Variants in KIR2DL3 observed in about 807,000 individuals in gnomAD.
KIR2DL3 encodes the protein killer cell immunoglobulin-like receptor 2DL3.
In KIR2DL3, 39 loss-of-function variants were observed where a neutral mutation model predicts 33.8. The ratio of observed to expected loss-of-function variants is 1.15; its 90% CI spans 0.89 to 1.51. The LOEUF (loss-of-function observed/expected upper bound fraction) is 1.51, where lower values mean the gene tolerates loss of function less well. Among genes scored for constraint, KIR2DL3 ranks in the 40% most tolerant of loss-of-function variants. The probability of loss-of-function intolerance (pLI) is 0.00; values close to 1 mark genes in which losing one functional copy is unlikely to be tolerated. For synonymous variants in KIR2DL3, 174 were observed against 160.2 expected, an observed-to-expected ratio of 1.09 and a Z score of -0.65; for missense variants, 462 against 426.2, an observed-to-expected ratio of 1.08 and a Z score of -0.74.
At chr19:54,747,728 G>C (rs200655837) in intron 5 of KIR2DL3, among the ~76,000 whole-genome samples, 138 of 152,298 alleles carry the variant, frequency 9.1e-4, no homozygotes, top group Non-Finnish European at 1.6e-3. Flanking sequence ...GGGAACATCT[G>C]ATGAGGGCGA....
chr19:54,751,275 C>A (rs1395488188), intron 5 of KIR2DL3, among the ~76,000 whole-genome samples: 1 of 130,984 alleles, frequency 7.6e-6, no homozygotes. Flanking sequence ...GAACAACCAG[C>A]TCTCCAGGAA....
At chr19:54,749,444 T>A (rs1294872207) in intron 5 of KIR2DL3, among the ~76,000 whole-genome samples, 1 of 123,950 alleles carries the variant, frequency 8.1e-6, no homozygotes, top group Non-Finnish European at 1.9e-5. Flanking sequence ...TGAGGTAGAA[T>A]CATTGACTGG....
At chr19:54,744,938 ATATATATATATATATATTTTTTTTT>A (rs2072137721) in intron 4 of KIR2DL3, among the ~76,000 whole-genome samples, 1 of 22,148 alleles carries the variant, frequency 4.5e-5, no homozygotes, top group South Asian at 1.7e-3. Flanking sequence ...ATATATATAT[ATATATATATATATATATTTTTTTTT>A]TTTTTTTTTT....
At position 54,751,553 on chromosome 19, in the gene KIR2DL3, G is replaced by T. The variant is rs1215157513; in HGVS notation, c.716-96G>T. 1.6e-5 allele frequency: 17 copies of T among 1,051,560 alleles called. 3 individuals carry two copies. The highest frequency in any genetic ancestry group is 3.9e-5 in the Admixed American group (2 of 51,264). 65.1% of individuals were successfully genotyped at this position (1,051,560 alleles called of 1,614,324 possible). A position where few individuals can be genotyped will look rare whatever the true frequency, so the allele number is the denominator to read the frequency against. The stretch of plus-strand genomic sequence containing the variant: ...ATCTGGGTGCTTGTCCTAAAGGGGT[G>T]TTGTATGTGGTTACCTGTCAATCAA... On this transcript the variant is annotated intron_variant, in intron 5 of 7. Coordinates refer to ENST00000342376, the MANE Select transcript of KIR2DL3 (RefSeq NM_015868.3).
chr19:54,742,748 G>A (rs1229751699), intron 3 of KIR2DL3, among the ~76,000 whole-genome samples: 66 of 151,230 alleles, frequency 4.4e-4, no homozygotes, highest in African/African-American at 1.6e-3. Context: ...CCATGTAATG[G>A]AGAGTAATCG....
At chr19:54,738,777 A>T (rs1242302395) in intron 1 of KIR2DL3, among the ~76,000 whole-genome samples, 198 bp downstream of exon 1, 1 of 107,542 alleles carries the variant, frequency 9.3e-6, no homozygotes, top group Non-Finnish European at 1.9e-5. Context: ...GGCCTGCAGT[A>T]GAGATATGGG....
Position 54,744,954 on chromosome 19 carries a change from A to ATTTTTTTT in KIR2DL3, c.664+882_664+889dup, listed in dbSNP as rs71195797. On this transcript the variant is annotated intron_variant, in intron 4 of 7. Transcript: ENST00000342376. Reference sequence around the variant, plus strand: ...TATATATATATATATATATATATATATTTTTTTTTTTTTTTTTTTTTTTAC... The same window carrying ATTTTTTTT: ...TATATATATATATATATATATATATATTTTTTTTTTTTTTTTTTTTTTTTTTTTTTTAC... Among the ~76,000 whole-genome samples the ATTTTTTTT allele has an allele frequency of 3.4e-3, 105 of 31,236 alleles. 1 individual carries two copies. The highest frequency in any genetic ancestry group is 5.6e-3 in the Non-Finnish European group (93 of 16,736). 20.5% of individuals were successfully genotyped at this position (31,236 alleles called of 152,430 possible). A position where few individuals can be genotyped will look rare whatever the true frequency, so the allele number is the denominator to read the frequency against.
chr19:54,744,930 A>ATATGTG (rs1555906844), intron 4 of KIR2DL3, among the ~76,000 whole-genome samples: 3 of 21,562 alleles, frequency 1.4e-4, no homozygotes, highest in African/African-American at 4.6e-4. Context: ...ACATATATAT[A>ATATGTG]TATATATATA....
rs1246637908 is a variant in KIR2DL3, at chr19:54,750,500, C to CT, written c.716-1142dup. 6.5e-5 allele frequency among the ~76,000 whole-genome samples: 9 copies of CT among 138,686 alleles called. 1 individual carries two copies. Among genetic ancestry groups the CT allele is most frequent in the South Asian group, 4.8e-4 (2 of 4,124 alleles). The allele number at this position is 138,686 out of a possible 152,430, so 91.0% of individuals were successfully genotyped here. A position where few individuals can be genotyped will look rare whatever the true frequency, so the allele number is the denominator to read the frequency against. ...TTTGACATAAGAGAATTCTACTTAG[C>CT]TTTTTTTATCTTGATTTCACTTTTG... On this transcript the variant is annotated intron_variant, in intron 5 of 7. Transcript: ENST00000342376.
chr19:54,743,427 C>T (rs375536869), intron 3 of KIR2DL3, among the ~76,000 whole-genome samples: 8,896 of 151,318 alleles, frequency 0.059, 186 homozygotes, highest in African/African-American at 0.11. Flanking sequence ...AGATAGGCAC[C>T]GAATAGATAA....
Position 54,741,933 on chromosome 19 carries a change from G to A in KIR2DL3, c.71-47G>A, listed in dbSNP as rs1419093377. 3.7e-5 allele frequency: 56 copies of A among 1,494,470 alleles called. No individual in the cohort carries two copies. The African/African-American group carries it at 5.4e-4, about 15-fold the overall frequency. 92.6% of individuals were successfully genotyped at this position (1,494,470 alleles called of 1,614,324 possible). A position where few individuals can be genotyped will look rare whatever the true frequency, so the allele number is the denominator to read the frequency against. ...TCACTCATTCTAGGTGCCATGGATG[G>A]GATGATAAAGAGAGACACCTTCTAA... On this transcript the variant is annotated intron_variant, in intron 2 of 7. Coordinates refer to ENST00000342376, the MANE Select transcript of KIR2DL3 (RefSeq NM_015868.3).
At chr19:54,743,251 AGAT>A (rs914278488) in intron 3 of KIR2DL3, among the ~76,000 whole-genome samples, 50 of 152,308 alleles carry the variant, frequency 3.3e-4, no homozygotes, top group South Asian at 2.5e-3. Context: ...TAATACATAG[AGAT>A]GATGATGATG....
intron 2 of KIR2DL3, among the ~76,000 whole-genome samples, chr19:54,740,899 G>C (rs1260050387): frequency 8.6e-5 from 13 of 152,014 alleles, no homozygotes; most frequent in Non-Finnish European, 1.8e-4. Context: ...GCAGTCCAGT[G>C]GAAGTCTTCA....
rs768087589 is a variant in KIR2DL3, at chr19:54,751,667, A to C, written c.734A>C (p.His245Pro). Residue 245 changes from histidine (H) to proline (P), a missense_variant, in exon 6 of 8, where the codon CAT (histidine) becomes CCT (proline). Coordinates refer to ENST00000342376, the MANE Select transcript of KIR2DL3 (RefSeq NM_015868.3). ...SSETGNPRHL[H>P]VLIGTSVVII... ...CTTCCAGGTAACCCCAGACACCTGC[A>C]TGTTCTGATTGGGACCTCAGTGGTC... is the stretch of plus-strand genomic sequence containing the variant. 1.3e-5 allele frequency: 20 copies of C among 1,505,394 alleles called. 2 individuals are homozygous for C. Among genetic ancestry groups the C allele is most frequent in the Admixed American group, 3.6e-5 (2 of 55,562 alleles). The allele number at this position is 1,505,394 out of a possible 1,614,324, so 93.3% of individuals were successfully genotyped here.
intron 5 of KIR2DL3, among the ~76,000 whole-genome samples, chr19:54,749,079 T>A (rs1196766584): frequency 2.5e-4 from 38 of 152,112 alleles, no homozygotes; most frequent in African/African-American, 9.2e-4. Context: ...CTGTCAGCCG[T>A]GAAGGCACAA....
At chr19:54,742,330 C>T in intron 3 of KIR2DL3, 51 bp downstream of exon 3, 2 of 1,603,038 alleles carry the variant, frequency 1.2e-6, no homozygotes, top group Non-Finnish European at 8.5e-7. Flanking sequence ...AGTGAATGAT[C>T]CACGACTTGG....
At position 54,741,599 on chromosome 19, in the gene KIR2DL3, T is replaced by A. The variant is rs1281436839; in HGVS notation, c.71-381T>A. ...CTGCCTTATTCATCAGTTCATACCT[T>A]CTGCCAAGGATTGCAATTCATCCAA... On this transcript the variant is annotated intron_variant, in intron 2 of 7. Coordinates refer to ENST00000342376, the MANE Select transcript of KIR2DL3 (RefSeq NM_015868.3). Among the ~76,000 whole-genome samples the A allele has an allele frequency of 5.8e-4, 88 of 151,716 alleles. 1 individual carries two copies. The highest frequency in any genetic ancestry group is 1.9e-3 in the African/African-American group (77 of 41,324).
chr19:54,744,396 C>G (rs1354472602), intron 4 of KIR2DL3, among the ~76,000 whole-genome samples: 1 of 152,142 alleles, frequency 6.6e-6, no homozygotes, highest in Admixed American at 6.5e-5. Context: ...TCAACATTAC[C>G]CATTTCCCAG....
chr19:54,738,690 G>C, intron 1 of KIR2DL3, 111 bp downstream of exon 1: 4 of 1,569,954 alleles, frequency 2.5e-6, no homozygotes, highest in African/African-American at 2.7e-5. Flanking sequence ...GGAGTGATGG[G>C]CCTAGAAGTG....
Sources: allele counts gnomAD v4.1 joint callset (sites outside exome capture counted in the v4.1 genomes callset), GRCh38; gene constraint gnomAD v4.1.1; transcripts MANE v1.5; gene names NCBI Gene and HGNC (gene_info 2026-07-23, HGNC 2026-07-21).